The following BICDL1 variants were observed in gnomAD, a reference collection of about 807,000 sequenced individuals.
The protein encoded by BICDL1 is BICD family like cargo adaptor 1, also known as BICD family-like cargo adapter 1.
A neutral mutation model predicts 76.8 loss-of-function variants in BICDL1; 20 were observed. The observed-to-expected ratio is 0.26, with a 90% CI of 0.18 to 0.38. The LOEUF is 0.38. BICDL1 is among the 10% of genes least tolerant of loss of function. The pLI is 1.00. For synonymous variants in BICDL1, 383 were observed against 337.1 expected, an observed-to-expected ratio of 1.14 and a Z score of -1.49; for missense variants, 700 against 798.6, an observed-to-expected ratio of 0.88 and a Z score of 1.49.
chr12:120,092,925 C>T, intron 9 of BICDL1, 75 bp from the exon 10 acceptor site: 1 of 1,486,322 alleles, frequency 6.7e-7, no homozygotes, highest in South Asian at 1.4e-5. Flanking sequence ...TCTGATGTTC[C>T]CACCTCCCTG....
intron 2 of BICDL1, among the ~76,000 whole-genome samples, chr12:120,027,023 A>ATTCCTTT: frequency 7.3e-6 from 1 of 137,260 alleles, no homozygotes; most frequent in Non-Finnish European, 1.5e-5. Context: ...TAATGATGTA[A>ATTCCTTT]TTTCTTTTTT....
chr12:120,046,936 T>C (rs957031725), intron 2 of BICDL1, among the ~76,000 whole-genome samples: 2 of 152,222 alleles, frequency 1.3e-5, no homozygotes, highest in Admixed American at 6.5e-5. Context: ...CATTGAATAA[T>C]AGTCCTCTTC....
At chr12:120,081,812 TTA>T (rs1874015432) in intron 8 of BICDL1, among the ~76,000 whole-genome samples, 1 of 151,456 alleles carries the variant, frequency 6.6e-6, no homozygotes, top group Non-Finnish European at 1.5e-5. Flanking sequence ...ATGGTCAGTG[TTA>T]TTTCATCTAT....
intron 1 of BICDL1, among the ~76,000 whole-genome samples, chr12:119,995,175 A>C (rs998369186): frequency 1.3e-5 from 2 of 152,220 alleles, no homozygotes; most frequent in African/African-American, 4.8e-5. Context: ...CTTGACCTTC[A>C]CACTTCCTGA....
intron 8 of BICDL1, among the ~76,000 whole-genome samples, chr12:120,082,567 T>A (rs1282273303): frequency 1.3e-5 from 2 of 151,156 alleles, no homozygotes; most frequent in Non-Finnish European, 2.9e-5. Flanking sequence ...TAGGTCTTTT[T>A]AAAAATGTTT....
chr12:120,092,321 G>A, intron 9 of BICDL1: 1 of 985,448 alleles, frequency 1.0e-6, no homozygotes, highest in Non-Finnish European at 1.2e-6. Flanking sequence ...TTGGGGGACG[G>A]TCCTACCCCA....
chr12:120,082,743 A>G, intron 8 of BICDL1, among the ~76,000 whole-genome samples: 1 of 150,966 alleles, frequency 6.6e-6, no homozygotes, highest in South Asian at 2.1e-4. Flanking sequence ...AGATTTTTGT[A>G]TTTTTTGTAG....
At chr12:120,017,507 A>G (rs1010665860) in intron 2 of BICDL1, among the ~76,000 whole-genome samples, 1 of 152,200 alleles carries the variant, frequency 6.6e-6, no homozygotes, top group African/African-American at 2.4e-5. Flanking sequence ...AGGCAGGAAG[A>G]TTGGTTGAGC....
chr12:120,005,224 G>A (rs1273045590), intron 2 of BICDL1, among the ~76,000 whole-genome samples: 1 of 152,190 alleles, frequency 6.6e-6, no homozygotes, highest in Admixed American at 6.5e-5. Flanking sequence ...GAAATGTTCA[G>A]TACAAATGTT....
In BICDL1 at chr12:119,998,726, A is replaced by T. The variant is rs1052020571; in HGVS notation, c.635A>T (p.Gln212Leu). Residue 212 changes from glutamine to leucine, a missense_variant, in exon 2 of 10, where the codon CAG (glutamine) becomes CTG (leucine). Transcript: ENST00000548673. ...GAACAGAACCAAAGGCTATTGGATCAGCTCAGCAGGGTGAGTCACAAATTA... is the reference window on the plus strand; with the variant it reads ...GAACAGAACCAAAGGCTATTGGATCTGCTCAGCAGGGTGAGTCACAAATTA... ...LSEQNQRLLD[Q>L]LSRASEVERQ... 1 of 1,613,740 alleles carries T rather than the reference A, an allele frequency of 6.2e-7. No homozygotes were observed. Among genetic ancestry groups the T allele is most frequent in the Non-Finnish European group, 8.5e-7 (1 of 1,179,860 alleles).
At chr12:120,034,057 C>T (rs768778827) in intron 2 of BICDL1, among the ~76,000 whole-genome samples, 11 of 152,162 alleles carry the variant, frequency 7.2e-5, no homozygotes, top group Non-Finnish European at 8.8e-5. Flanking sequence ...CTTTTGTACT[C>T]GAGCATTTTG....
intron 2 of BICDL1, among the ~76,000 whole-genome samples, chr12:120,021,057 C>A (rs1952169531): frequency 6.6e-6 from 1 of 152,170 alleles, no homozygotes; most frequent in African/African-American, 2.4e-5. Flanking sequence ...CCAAGGCAGG[C>A]AGATCACCTG....
rs1951864612 is a variant in BICDL1, at chr12:120,007,072, G to A, written c.645+8336G>A. Among the ~76,000 whole-genome samples, 3 of 151,984 alleles carry A rather than the reference G, an allele frequency of 2.0e-5. 1 individual carries two copies. Among genetic ancestry groups the A allele is most frequent in the African/African-American group, 7.2e-5 (3 of 41,386 alleles). Reference sequence around the variant, plus strand: ...CTAATGGAATAAATGGTTGTGGGAAGGAAGGTTAAAGAAAAAAAATAATCA... The same window carrying A: ...CTAATGGAATAAATGGTTGTGGGAAAGAAGGTTAAAGAAAAAAAATAATCA... On this transcript the variant is annotated intron_variant, in intron 2 of 9. Coordinates refer to ENST00000548673, the MANE Select transcript of BICDL1 (RefSeq NM_001367886.1).
At chr12:120,027,861 A>T (rs1375917128) in intron 2 of BICDL1, among the ~76,000 whole-genome samples, 1 of 152,178 alleles carries the variant, frequency 6.6e-6, no homozygotes, top group East Asian at 1.9e-4. Flanking sequence ...TAATTAACAG[A>T]TCTGTTTACT....
intron 2 of BICDL1, chr12:119,999,719 G>A (rs1387568250): frequency 2.4e-6 from 1 of 409,512 alleles, no homozygotes; most frequent in Non-Finnish European, 4.7e-6. Flanking sequence ...ACAAATGCAG[G>A]AATGTTATTA....
chr12:120,073,207 G>T (rs561512816), intron 6 of BICDL1, among the ~76,000 whole-genome samples: 4 of 152,212 alleles, frequency 2.6e-5, no homozygotes, highest in Non-Finnish European at 4.4e-5. Context: ...AACTACTGCT[G>T]TGATGAGGCA....
chr12:120,035,571 ACCCTGCTCTTAAAC>A (rs934705572), intron 2 of BICDL1, among the ~76,000 whole-genome samples: 2 of 152,122 alleles, frequency 1.3e-5, no homozygotes, highest in African/African-American at 4.8e-5. Context: ...TGACTCTAAA[ACCCTGCTCTTAAAC>A]CCCTGCTAAA....
chr12:120,081,539 G>A (rs1179534174), intron 8 of BICDL1, among the ~76,000 whole-genome samples: 4 of 151,748 alleles, frequency 2.6e-5, no homozygotes, highest in Admixed American at 2.0e-4. Flanking sequence ...AGTAGAGACA[G>A]GGTTTCACCA....
intron 4 of BICDL1, among the ~76,000 whole-genome samples, chr12:120,067,279 C>T (rs1953241559): frequency 6.6e-6 from 1 of 152,234 alleles, no homozygotes; most frequent in South Asian, 2.1e-4. Context: ...ATCAGCAGAG[C>T]ACAGGCCCTG....
Sources: gnomAD v4.1 joint callset for allele counts (sites outside exome capture counted in the v4.1 genomes callset) on GRCh38, gnomAD v4.1.1 for gene constraint, MANE v1.5 for transcripts, NCBI Gene and HGNC (gene_info 2026-07-23, HGNC 2026-07-21) for gene names.